Variants in KLHL25 observed in about 807,000 individuals in gnomAD.
The protein encoded by KLHL25 is kelch like family member 25, also known as kelch-like protein 25.
Under a neutral mutation model 30.0 loss-of-function variants are expected in KLHL25, and 41 were observed. The ratio of observed to expected loss-of-function variants is 1.37; its 90% CI spans 1.07 to 1.78. KLHL25 has a LOEUF of 1.78. Ranked by LOEUF, KLHL25 falls within the 40% of genes most tolerant of loss-of-function variation. The pLI, the probability that KLHL25 is intolerant of heterozygous loss-of-function variation, is 0.00. For missense variants in KLHL25, 971 were observed against 824.5 expected, an observed-to-expected ratio of 1.18 and a Z score of -2.18; for synonymous variants, 399 against 355.3, an observed-to-expected ratio of 1.12 and a Z score of -1.38.
rs768316578 is a variant in KLHL25 at position 85,769,284 on chromosome 15, A to C, written c.527T>G (p.Phe176Cys). ...EFSWRMCLVH[F>C]ETVRQSEDFN... ...GTCCTCGCTCTGCCTCACCGTCTCA[A>C]AGTGCACCAGGCACATGCGCCAGGA... Residue 176 changes from phenylalanine to cysteine, a missense_variant, in exon 2 of 3, where the codon TTT becomes TGT. Phe to Cys is a radical substitution (Grantham distance 205). Transcript: ENST00000337975. 1 of 1,613,970 alleles carries C rather than the reference A, an allele frequency of 6.2e-7. No individual in the cohort carries two copies. The highest frequency in any genetic ancestry group is 8.5e-7 in the Non-Finnish European group (1 of 1,180,028).
chr15:85,769,440 C>T lies in KLHL25; in HGVS notation c.371G>A (p.Gly124Asp). 1 of 1,614,086 alleles carries T rather than the reference C, an allele frequency of 6.2e-7. No individual in the cohort carries two copies. Among genetic ancestry groups the T allele is most frequent in the Non-Finnish European group, 8.5e-7 (1 of 1,180,032 alleles). The change falls in exon 2 of 3, where the codon GGC (glycine) becomes GAC (aspartate). Residue 124 changes from glycine (G) to aspartate (D), a missense_variant. By Grantham distance (94) the Gly-to-Asp change is moderately conservative (BLOSUM62 -1). Transcript: ENST00000337975. ...EENAESLLEA[G>D]DMLQFHDVRD... Reference sequence around the variant, plus strand: ...CACATCGTGGAACTGCAGCATGTCGCCTGCCTCCAGCAGTGACTCAGCGTT... The same window carrying T: ...CACATCGTGGAACTGCAGCATGTCGTCTGCCTCCAGCAGTGACTCAGCGTT...
intron 1 of KLHL25, among the ~76,000 whole-genome samples, chr15:85,792,072 G>A (rs559235953): frequency 6.6e-6 from 1 of 152,214 alleles, no homozygotes; most frequent in African/African-American, 2.4e-5. Context: ...GATGACAGGT[G>A]TCAGCTTTTG....
intron 1 of KLHL25, among the ~76,000 whole-genome samples, chr15:85,777,157 G>A (rs940523570): frequency 6.6e-6 from 1 of 152,218 alleles, no homozygotes; most frequent in African/African-American, 2.4e-5. Flanking sequence ...GATCAGGGAA[G>A]GGCTGAGAAT....
intron 1 of KLHL25, among the ~76,000 whole-genome samples, chr15:85,781,385 A>G (rs2089742108): frequency 6.6e-6 from 1 of 152,220 alleles, no homozygotes; most frequent in Admixed American, 6.5e-5. Flanking sequence ...ATGTTTTAGT[A>G]TTACCACAAA....
intron 1 of KLHL25, among the ~76,000 whole-genome samples, chr15:85,791,267 G>A (rs536702604): frequency 3.3e-5 from 5 of 151,342 alleles, no homozygotes; most frequent in Non-Finnish European, 5.9e-5. Flanking sequence ...AGGCTGAGGC[G>A]GGTGGATCAC....
intron 2 of KLHL25, among the ~76,000 whole-genome samples, chr15:85,765,828 CAA>C (rs35443769): frequency 2.9e-5 from 3 of 103,690 alleles, no homozygotes; most frequent in Admixed American, 2.1e-4. Flanking sequence ...GAGACTGTCT[CAA>C]AAAAAAAAAA....
chr15:85,768,411 G>T lies in KLHL25; in HGVS notation c.1400C>A (p.Pro467His), dbSNP rs779044859. 2.3e-5 allele frequency: 37 copies of T among 1,613,472 alleles called. No homozygotes were observed. The highest frequency in any genetic ancestry group is 3.1e-5 in the Non-Finnish European group (36 of 1,179,906). Residue 467 changes from proline to histidine, a missense_variant, in exon 2 of 3, where the codon CCC becomes CAC. Physicochemically the swap from Pro to His is moderately conservative, Grantham distance 77 (BLOSUM62 -2). Coordinates refer to ENST00000337975, the MANE Select transcript of KLHL25 (RefSeq NM_022480.4). ...DMVSKVQCYD[P>H]SENRWTIKAE... ...CTTGATCGTCCACCTGTTCTCCGAG[G>T]GGTCATAGCACTGGACCTTGGACAC...
At position 85,775,492 on chromosome 15, in the gene KLHL25, C is replaced by T. The variant is rs377519309; in HGVS notation, c.-10-5672G>A. Among the ~76,000 whole-genome samples, 12 of 152,252 alleles carry T rather than the reference C, an allele frequency of 7.9e-5. No homozygotes were observed. The East Asian group carries it at 1.4e-3, about 17-fold the overall frequency. ...ACTGGGTGCATCGGAGTCAGGATTC[C>T]ACCAACAATGACTTCATGAAAACAC... is the stretch of plus-strand genomic sequence containing the variant. On this transcript the variant is annotated intron_variant, in intron 1 of 2. Coordinates refer to ENST00000337975, the MANE Select transcript of KLHL25 (RefSeq NM_022480.4).
At position 85,768,334 on chromosome 15, in the gene KLHL25, G is replaced by A. The variant is rs2089638670; in HGVS notation, c.1477C>T (p.Gln493Ter). The change falls in exon 2 of 3, where the codon CAG becomes TAG. Residue 493 changes from glutamine (Q) to a stop codon, truncating the protein, a stop_gained. Coordinates refer to ENST00000337975, the MANE Select transcript of KLHL25 (RefSeq NM_022480.4). LOFTEE classifies it high-confidence loss of function. ...RYTAAAVLGSQIFIMGGDTEF... is the reference protein window; with the variant it reads ...RYTAAAVLGS ...GTGTCACCTCCCATGATGAAGATCT[G>A]GCTGCCCAGGACGGCAGCGGCTGTG... 1.2e-6 allele frequency: 2 copies of A among 1,613,722 alleles called. No homozygotes were observed. Among genetic ancestry groups the A allele is most frequent in the Admixed American group, 1.7e-5 (1 of 60,008 alleles).
At chr15:85,770,808 G>A (rs544840329) in intron 1 of KLHL25, among the ~76,000 whole-genome samples, 51 of 152,304 alleles carry the variant, frequency 3.3e-4, no homozygotes, top group Non-Finnish European at 6.5e-4. Context: ...CACCAGGCCT[G>A]GGGACCTGGC....
At chr15:85,765,998 G>C (rs1936975532) in intron 2 of KLHL25, among the ~76,000 whole-genome samples, 1 of 152,172 alleles carries the variant, frequency 6.6e-6, no homozygotes, top group African/African-American at 2.4e-5. Context: ...TCGAAGGCTT[G>C]GCTGGATCTG....
chr15:85,768,432 G>A lies in KLHL25; in HGVS notation c.1379C>T (p.Ser460Phe). The A allele has an allele frequency of 1.2e-6, 2 of 1,613,462 alleles. No individual in the cohort carries two copies. Among genetic ancestry groups the A allele is most frequent in the Non-Finnish European group, 1.7e-6 (2 of 1,179,788 alleles). ...GGTSIHRDMV[S>F]KVQCYDPSEN... is the part of the protein sequence containing the mutation. ...CGAGGGGTCATAGCACTGGACCTTGGACACCATGTCCCGGTGGATGCTGGT... is the reference window on the plus strand; with the variant it reads ...CGAGGGGTCATAGCACTGGACCTTGAACACCATGTCCCGGTGGATGCTGGT... Residue 460 changes from serine (S) to phenylalanine (F), a missense_variant, in exon 2 of 3, where the codon TCC becomes TTC. By Grantham distance (155) the Ser-to-Phe change is radical (BLOSUM62 -2). Coordinates refer to ENST00000337975, the MANE Select transcript of KLHL25 (RefSeq NM_022480.4).
chr15:85,785,966 C>CA (rs1051904030), intron 1 of KLHL25, among the ~76,000 whole-genome samples: 1 of 135,262 alleles, frequency 7.4e-6, no homozygotes, highest in East Asian at 2.5e-4. Context: ...GCCGACCCAC[C>CA]CCCCCGCCCC....
At position 85,794,899 on chromosome 15, in the gene KLHL25, C is replaced by G. The variant is rs28441522; in HGVS notation, c.-144G>C. ...AAAAACGCTCTCGCTGCGATACAGCCTAGGCGCCGCCAACAAACTAGTTTC... is the reference window on the plus strand; with the variant it reads ...AAAAACGCTCTCGCTGCGATACAGCGTAGGCGCCGCCAACAAACTAGTTTC... On this transcript the variant is annotated 5_prime_UTR_variant, in exon 1 of 3. Coordinates refer to ENST00000337975, the MANE Select transcript of KLHL25 (RefSeq NM_022480.4). 6.6e-6 allele frequency: 1 copy of G among 152,430 alleles called. No homozygotes were observed. Among genetic ancestry groups the G allele is most frequent in the African/African-American group, 2.4e-5 (1 of 41,462 alleles). The allele number at this position is 152,430 out of a possible 1,614,324, so 9.4% of individuals were successfully genotyped here. A position where few individuals can be genotyped will look rare whatever the true frequency, so the allele number is the denominator to read the frequency against.
intron 1 of KLHL25, among the ~76,000 whole-genome samples, chr15:85,793,189 C>A (rs1021918925): frequency 6.6e-6 from 1 of 152,044 alleles, no homozygotes; most frequent in Non-Finnish European, 1.5e-5. Flanking sequence ...TATTAAGGGG[C>A]ATCGGGCTGC....
chr15:85,781,817 GT>G (rs1055824356), intron 1 of KLHL25, among the ~76,000 whole-genome samples: 1 of 151,820 alleles, frequency 6.6e-6, no homozygotes, highest in African/African-American at 2.4e-5. Flanking sequence ...ACTAACCACT[GT>G]TTTTTTTAAG....
chr15:85,784,232 C>CTTA (rs944000412), intron 1 of KLHL25, among the ~76,000 whole-genome samples: 1 of 152,096 alleles, frequency 6.6e-6, no homozygotes, highest in African/African-American at 2.4e-5. Flanking sequence ...CAATAAGCCC[C>CTTA]TTAAAAGCAG....
Position 85,768,187 on chromosome 15 carries a change from CAT to C in KLHL25, c.1622_1623del (p.Tyr541CysfsTer12). The C allele has an allele frequency of 6.2e-7, 1 of 1,614,224 alleles. No individual in the cohort carries two copies. The highest frequency in any genetic ancestry group is 8.5e-7 in the Non-Finnish European group (1 of 1,180,052). The stretch of plus-strand genomic sequence containing the variant: ...TGGGTCCCAAAGTAGCCCCCGACCA[CAT>C]AGAGCTTGTTGCCGGAAGCCAGGGC... ...CHALASGNKL[Y>X]VVGGYFGTQR... On this transcript the variant is annotated frameshift_variant, in exon 2 of 3. Coordinates refer to ENST00000337975, the MANE Select transcript of KLHL25 (RefSeq NM_022480.4). LOFTEE classifies it high-confidence loss of function.
chr15:85,768,170 A>C lies in KLHL25; in HGVS notation c.1641T>G (p.Phe547Leu), dbSNP rs767555212. 7.4e-6 allele frequency: 12 copies of C among 1,614,242 alleles called. No individual in the cohort carries two copies. Among genetic ancestry groups the C allele is most frequent in the Non-Finnish European group, 1.0e-5 (12 of 1,180,044 alleles). ...CCAGAGTCTTACACCTCTGGGTCCC[A>C]AAGTAGCCCCCGACCACATAGAGCT... Reference protein sequence around the residue: ...GNKLYVVGGYFGTQRCKTLDC... With the variant: ...GNKLYVVGGYLGTQRCKTLDC... Residue 547 changes from phenylalanine (F) to leucine (L), a missense_variant, in exon 2 of 3, where the codon TTT becomes TTG. Physicochemically the swap from Phe to Leu is conservative, Grantham distance 22. Transcript: ENST00000337975.
Sources: gnomAD v4.1 joint callset for allele counts (sites outside exome capture counted in the v4.1 genomes callset) on GRCh38, gnomAD v4.1.1 for gene constraint, MANE v1.5 for transcripts, NCBI Gene and HGNC (gene_info 2026-07-23, HGNC 2026-07-21) for gene names.